The following SEL1L3 variants were observed in gnomAD, a reference collection of about 807,000 sequenced individuals.
SEL1L3 encodes the protein protein sel-1 homolog 3.
In SEL1L3, 76 loss-of-function variants were observed where a neutral mutation model predicts 142.8. That is an observed-to-expected ratio of 0.53 (90% CI 0.44 to 0.64). The LOEUF is 0.64. SEL1L3 is among the 30% of genes least tolerant of loss of function. SEL1L3 has a pLI of 0.00. For missense variants in SEL1L3, 1,262 were observed against 1,381.7 expected, an observed-to-expected ratio of 0.91 and a Z score of 1.37; for synonymous variants, 504 against 519.6, an observed-to-expected ratio of 0.97 and a Z score of 0.41.
chr4:25,726,896 G>C, the SEL1L3 span, among the ~76,000 whole-genome samples: 4 of 152,166 alleles, frequency 2.6e-5, no homozygotes, highest in Admixed American at 1.3e-4. Context: ...AGTTCAGGAG[G>C]CTGGAAGTCC....
chr4:25,767,108 A>G (rs989615987), intron 19 of SEL1L3, among the ~76,000 whole-genome samples: 2 of 152,178 alleles, frequency 1.3e-5, no homozygotes, highest in African/African-American at 2.4e-5. Context: ...CCTGGCCAAC[A>G]TGGTGAAACC....
the SEL1L3 span, among the ~76,000 whole-genome samples, chr4:25,733,265 T>A: frequency 4.6e-5 from 7 of 152,060 alleles, no homozygotes; most frequent in Non-Finnish European, 7.4e-5. Context: ...AGATGATATA[T>A]CTCCATTTTA....
At chr4:25,721,864 T>C in the SEL1L3 span, among the ~76,000 whole-genome samples, 2 of 152,186 alleles carry the variant, frequency 1.3e-5, no homozygotes, top group African/African-American at 4.8e-5. Flanking sequence ...TCAGTGGAAG[T>C]GACATGATGG....
downstream of SEL1L3, among the ~76,000 whole-genome samples, chr4:25,743,041 G>C (rs191718267): frequency 6.6e-6 from 1 of 152,312 alleles, no homozygotes; most frequent in African/African-American, 2.4e-5. Context: ...AATGGACTAG[G>C]TGTAAAGCAA....
At chr4:25,758,726 C>A (rs543879771) in intron 21 of SEL1L3, among the ~76,000 whole-genome samples, 58 of 150,762 alleles carry the variant, frequency 3.8e-4, no homozygotes, top group Admixed American at 6.6e-4. Flanking sequence ...GTTGGCCAGG[C>A]TGGTCTCGAA....
intron 11 of SEL1L3, among the ~76,000 whole-genome samples, chr4:25,794,921 T>A (rs1009726572): frequency 1.3e-5 from 2 of 152,164 alleles, no homozygotes; most frequent in East Asian, 3.9e-4. Context: ...TGGATGGAGT[T>A]GGAAGCCATA....
At chr4:25,785,608 A>T (rs557321205) in intron 13 of SEL1L3, among the ~76,000 whole-genome samples, 13 of 152,198 alleles carry the variant, frequency 8.5e-5, no homozygotes, top group Non-Finnish European at 1.9e-4. Flanking sequence ...AAAACCAATG[A>T]ACTGAAGCAA....
At chr4:25,766,265 C>A (rs1255200742) in intron 19 of SEL1L3, among the ~76,000 whole-genome samples, 7 of 151,968 alleles carry the variant, frequency 4.6e-5, no homozygotes, top group Admixed American at 1.3e-4. Context: ...ATGGTGAAAT[C>A]CCACCTCTAC....
the SEL1L3 span, among the ~76,000 whole-genome samples, chr4:25,716,811 T>C: frequency 7.9e-5 from 12 of 151,946 alleles, no homozygotes; most frequent in African/African-American, 2.7e-4. Flanking sequence ...GTATGACAAG[T>C]ACAATGGAAT....
chr4:25,724,477 C>T, the SEL1L3 span, among the ~76,000 whole-genome samples: 2 of 151,876 alleles, frequency 1.3e-5, no homozygotes, highest in Non-Finnish European at 2.9e-5. Flanking sequence ...TACAGTGGCT[C>T]ATGCCTGTAA....
the SEL1L3 span, among the ~76,000 whole-genome samples, chr4:25,724,783 T>TA: frequency 5.8e-4 from 64 of 109,586 alleles, no homozygotes; most frequent in East Asian, 0.017. Flanking sequence ...GAAAAGAAAT[T>TA]AAAAGGAAAA....
chr4:25,779,227 T>C (rs1177045296), intron 15 of SEL1L3, 24 bp from the exon 16 acceptor site: 2 of 1,610,648 alleles, frequency 1.2e-6, no homozygotes, highest in Non-Finnish European at 1.7e-6. Context: ...TGAACAAACA[T>C]CGAGTCATCC....
intron 6 of SEL1L3, among the ~76,000 whole-genome samples, chr4:25,822,965 G>C (rs1008339146): frequency 3.3e-5 from 5 of 152,134 alleles, no homozygotes; most frequent in Non-Finnish European, 1.5e-5. Flanking sequence ...CCAAAATATA[G>C]TGTTAAGTAA....
At chr4:25,798,859 G>A (rs147905635) in intron 11 of SEL1L3, among the ~76,000 whole-genome samples, 5 of 152,132 alleles carry the variant, frequency 3.3e-5, no homozygotes, top group East Asian at 3.9e-4. Flanking sequence ...AAGAAAGACC[G>A]GGGAGGAGGG....
At chr4:25,811,496 C>T (rs912481299) in intron 9 of SEL1L3, among the ~76,000 whole-genome samples, 7 of 152,172 alleles carry the variant, frequency 4.6e-5, no homozygotes, top group African/African-American at 9.7e-5. Context: ...ATTGGAGCTG[C>T]AGCTTGGCTA....
In SEL1L3 at chr4:25,802,296, A is replaced by T; in HGVS notation, c.1943T>A (p.Leu648Gln). The change falls in exon 11 of 24, where the codon CTG (leucine) becomes CAG (glutamine). Residue 648 changes from leucine (L) to glutamine (Q), a missense_variant. This residue lies in a region of SEL1L3 where 435 missense variants were observed against 559.2 expected (regional missense o/e 0.78). Coordinates refer to ENST00000399878, the MANE Select transcript of SEL1L3 (RefSeq NM_015187.5). ...TCTCTCTCATACCTGATCTCCTTGC[A>T]GTGTGTGCTGGTCAAGGGGTGTCTT... The part of the protein sequence containing the change: ...ATKTPLDQHT[L>Q]QGDQAYVETI... 1.9e-6 allele frequency: 3 copies of T among 1,612,798 alleles called. No homozygotes were observed. Among genetic ancestry groups the T allele is most frequent in the South Asian group, 2.2e-5 (2 of 90,948 alleles).
chr4:25,744,044 T>C (rs1717189927), downstream of SEL1L3, among the ~76,000 whole-genome samples: 1 of 152,162 alleles, frequency 6.6e-6, no homozygotes, highest in Admixed American at 6.6e-5. Flanking sequence ...GGGACATGAA[T>C]TGACAATTAG....
chr4:25,863,421 C>T, upstream of SEL1L3: 1 of 698,936 alleles, frequency 1.4e-6, no homozygotes, highest in Non-Finnish European at 2.6e-6. Context: ...CGCATTCTTC[C>T]TCTCCCACCC....
chr4:25,768,880 C>T (rs1718954913), intron 17 of SEL1L3, among the ~76,000 whole-genome samples: 1 of 151,404 alleles, frequency 6.6e-6, no homozygotes, highest in Admixed American at 6.6e-5. Flanking sequence ...TGAACACACA[C>T]ATGCACACAC....
Sources: allele counts gnomAD v4.1 joint callset (sites outside exome capture counted in the v4.1 genomes callset), GRCh38; gene constraint gnomAD v4.1.1; regional missense constraint gnomAD v4.1.1; transcripts MANE v1.5; gene names NCBI Gene and HGNC (gene_info 2026-07-23, HGNC 2026-07-21).